The following COMMD1 variants were observed in gnomAD, a reference collection of about 807,000 sequenced individuals.
The protein encoded by COMMD1 is COMM domain-containing protein 1.
Under a neutral mutation model 17.2 loss-of-function variants are expected in COMMD1, and 10 were observed. The ratio of observed to expected loss-of-function variants is 0.58; its 90% CI spans 0.36 to 0.99. COMMD1 has a LOEUF of 0.99. Among genes scored for constraint, COMMD1 ranks in the 50% least tolerant of loss-of-function variants. The pLI is 0.01. For missense variants in COMMD1, 270 were observed against 231.8 expected, an observed-to-expected ratio of 1.17 and a Z score of -1.07; for synonymous variants, 97 against 91.6, an observed-to-expected ratio of 1.06 and a Z score of -0.34.
At chr2:62,135,405 C>T (rs1400897766) in intron 2 of COMMD1, among the ~76,000 whole-genome samples, 1 of 151,478 alleles carries the variant, frequency 6.6e-6, no homozygotes, top group African/African-American at 2.4e-5. Flanking sequence ...GGCTGGAGTG[C>T]AGTGGCCCGA....
At chr2:62,010,985 A>C (rs1669261989) in intron 2 of COMMD1, among the ~76,000 whole-genome samples, 1 of 152,018 alleles carries the variant, frequency 6.6e-6, no homozygotes, top group African/African-American at 2.4e-5. Flanking sequence ...TACTTCGTCT[A>C]CTCTAGCTAG....
chr2:61,983,579 G>T (rs758929565), intron 1 of COMMD1, among the ~76,000 whole-genome samples: 1 of 152,120 alleles, frequency 6.6e-6, no homozygotes, highest in Admixed American at 6.5e-5. Flanking sequence ...TTGGTTGGTT[G>T]TATGTGTCTA....
intron 1 of COMMD1, among the ~76,000 whole-genome samples, chr2:61,910,664 A>G (rs774982195): frequency 6.6e-5 from 10 of 152,220 alleles, no homozygotes; most frequent in Non-Finnish European, 1.5e-4. Context: ...GCTCAATTCC[A>G]GTAAATCCCA....
intron 1 of COMMD1, among the ~76,000 whole-genome samples, chr2:61,983,515 TCTTGTTA>T (rs1262658632): frequency 6.6e-6 from 1 of 152,118 alleles, no homozygotes; most frequent in Non-Finnish European, 1.5e-5. Flanking sequence ...TGCATGTTCA[TCTTGTTA>T]CTTGTTATTG....
At chr2:62,086,836 A>T (rs1671684504) in intron 2 of COMMD1, among the ~76,000 whole-genome samples, 1 of 151,814 alleles carries the variant, frequency 6.6e-6, no homozygotes, top group African/African-American at 2.4e-5. Context: ...ATAATATTGG[A>T]AGAATTTCTT....
At chr2:62,113,213 G>A (rs564806025) in intron 2 of COMMD1, among the ~76,000 whole-genome samples, 1 of 151,970 alleles carries the variant, frequency 6.6e-6, no homozygotes, top group African/African-American at 2.4e-5. Flanking sequence ...TTAGCTGGAT[G>A]TCGTGGTGAG....
chr2:61,926,440 A>G (rs1428992416), intron 1 of COMMD1, among the ~76,000 whole-genome samples: 1 of 152,208 alleles, frequency 6.6e-6, no homozygotes, highest in Non-Finnish European at 1.5e-5. Context: ...ACAAAATTAC[A>G]ACTAATTTGG....
chr2:61,906,647 A>G (rs1669779302), intron 1 of COMMD1, among the ~76,000 whole-genome samples: 1 of 152,112 alleles, frequency 6.6e-6, no homozygotes, highest in Non-Finnish European at 1.5e-5. Context: ...GTGTCAATGT[A>G]CTCTAGAGAC....
intron 2 of COMMD1, among the ~76,000 whole-genome samples, chr2:62,080,964 T>A (rs1182202196): frequency 2.0e-5 from 3 of 152,094 alleles, no homozygotes; most frequent in Non-Finnish European, 2.9e-5. Flanking sequence ...TTAATGACAT[T>A]TAAGATGTTT....
chr2:62,070,777 C>G (rs1471270843), intron 2 of COMMD1, among the ~76,000 whole-genome samples: 1 of 152,190 alleles, frequency 6.6e-6, no homozygotes, highest in African/African-American at 2.4e-5. Context: ...CGCCTATAAT[C>G]CCAGCACTTT....
At chr2:62,087,919 T>C (rs879659087) in intron 2 of COMMD1, among the ~76,000 whole-genome samples, 6 of 152,242 alleles carry the variant, frequency 3.9e-5, no homozygotes, top group Non-Finnish European at 8.8e-5. Flanking sequence ...TCACTGTCTC[T>C]ACTTTTTCAC....
intron 1 of COMMD1, among the ~76,000 whole-genome samples, chr2:61,970,292 A>G (rs1022640465): frequency 6.6e-6 from 1 of 151,810 alleles, no homozygotes; most frequent in East Asian, 1.9e-4. Context: ...AATGATAAAT[A>G]TATTATTTGT....
chr2:62,121,011 T>A (rs572729261), intron 2 of COMMD1, among the ~76,000 whole-genome samples: 1 of 152,244 alleles, frequency 6.6e-6, no homozygotes, highest in South Asian at 2.1e-4. Context: ...CCCAAAGTGC[T>A]GAGATTACAG....
chr2:62,019,022 C>T (rs1221101732), intron 2 of COMMD1, among the ~76,000 whole-genome samples: 1 of 144,508 alleles, frequency 6.9e-6, no homozygotes, highest in Non-Finnish European at 1.5e-5. Context: ...AACCAACCAA[C>T]TTCCCTCCCT....
At chr2:62,060,561 C>T (rs1280835669) in intron 2 of COMMD1, among the ~76,000 whole-genome samples, 3 of 152,004 alleles carry the variant, frequency 2.0e-5, no homozygotes, top group Admixed American at 6.6e-5. Context: ...TATATTTGTC[C>T]GTTCCACTGA....
At chr2:61,998,766 G>C (rs562121599) in intron 1 of COMMD1, among the ~76,000 whole-genome samples, 1 of 152,146 alleles carries the variant, frequency 6.6e-6, no homozygotes, top group Non-Finnish European at 1.5e-5. Flanking sequence ...TGAATACTTA[G>C]AGGCCATCGT....
Position 61,923,364 on chromosome 2 carries a change from G to C in COMMD1, c.180+17506G>C, listed in dbSNP as rs1049159851. 2.7e-4 allele frequency among the ~76,000 whole-genome samples: 41 copies of C among 152,012 alleles called. 1 individual carries two copies. The highest frequency in any genetic ancestry group is 9.2e-4 in the African/African-American group (38 of 41,408). On this transcript the variant is annotated intron_variant, in intron 1 of 2. Transcript: ENST00000311832. ...AACTATGTGCAAAGTATTGTGCTAA[G>C]TATTGAGGGGAATATACAGATGAGG...
At chr2:61,918,243 A>T (rs1283761093) in intron 1 of COMMD1, among the ~76,000 whole-genome samples, 1 of 152,202 alleles carries the variant, frequency 6.6e-6, no homozygotes, top group African/African-American at 2.4e-5. Flanking sequence ...GGAAAATTTA[A>T]AGTTCTATAA....
At chr2:62,029,157 G>A (rs1486600702) in intron 2 of COMMD1, among the ~76,000 whole-genome samples, 1 of 152,094 alleles carries the variant, frequency 6.6e-6, no homozygotes, top group African/African-American at 2.4e-5. Flanking sequence ...GTTATGAGAT[G>A]TACATACTGT....
Sources: gnomAD v4.1 joint callset for allele counts (sites outside exome capture counted in the v4.1 genomes callset) on GRCh38, gnomAD v4.1.1 for gene constraint, MANE v1.5 for transcripts, NCBI Gene and HGNC (gene_info 2026-07-23, HGNC 2026-07-21) for gene names.